EHMT1: variants seen among roughly 807,000 people sequenced by gnomAD.
EHMT1 encodes euchromatic histone lysine methyltransferase 1, also known as histone-lysine N-methyltransferase EHMT1.
EHMT1 carries 15 observed loss-of-function variants against 147.2 expected under a neutral mutation model. The observed-to-expected ratio is 0.10, with a 90% CI of 0.07 to 0.16. The LOEUF is 0.16. Ranked by LOEUF, EHMT1 falls within the 10% of genes least tolerant of loss-of-function variation. The pLI, the probability that EHMT1 is intolerant of heterozygous loss-of-function variation, is 1.00. For missense variants in EHMT1, 1,587 were observed against 1,772.4 expected (o/e 0.90, Z 1.88); for synonymous variants, 795 against 709.6 (o/e 1.12, Z -1.91).
chr9:137,712,846 C>G (rs937119063), intron 2 of EHMT1, among the ~76,000 whole-genome samples: 1 of 152,026 alleles, frequency 6.6e-6, no homozygotes, highest in African/African-American at 2.4e-5. Context: ...TAAGAACTTA[C>G]CATTACTTAA....
chr9:137,825,343 C>T (rs778358398), intron 25 of EHMT1, among the ~76,000 whole-genome samples: 4 of 152,214 alleles, frequency 2.6e-5, no homozygotes, highest in Non-Finnish European at 5.9e-5. Context: ...CACTCCGAGC[C>T]ACGGCCACGC....
intron 1 of EHMT1, among the ~76,000 whole-genome samples, chr9:137,661,953 C>G (rs2134092162): frequency 1.3e-5 from 2 of 152,204 alleles, no homozygotes; most frequent in Middle Eastern, 3.4e-3. Flanking sequence ...CACGCATGCG[C>G]CACCATGCCC....
At chr9:137,790,597 G>A (rs1454979216) in intron 15 of EHMT1, among the ~76,000 whole-genome samples, 3 of 152,148 alleles carry the variant, frequency 2.0e-5, no homozygotes, top group South Asian at 2.1e-4. Context: ...ACACTCCTGA[G>A]CTATAAACAT....
intron 1 of EHMT1, among the ~76,000 whole-genome samples, chr9:137,688,742 G>A (rs993978213): frequency 3.3e-5 from 5 of 152,160 alleles, no homozygotes; most frequent in Admixed American, 1.3e-4. Flanking sequence ...TCATGCACAC[G>A]TTTGTATTTG....
chr9:137,779,672 T>G lies in EHMT1; in HGVS notation c.2230T>G (p.Phe744Val). Residue 744 changes from phenylalanine to valine, a missense_variant, in exon 14 of 27, where the codon TTC (phenylalanine) becomes GTC (valine). Phe to Val is a conservative substitution (Grantham distance 50). Around this residue, in one of 7 missense-constraint regions of EHMT1, gnomAD observed 201 missense variants for 350.1 expected, o/e 0.57. Coordinates refer to ENST00000460843, the MANE Select transcript of EHMT1 (RefSeq NM_024757.5). ...KLRFHPKQLY[F>V]SARQGELQKV... Reference sequence around the variant, plus strand: ...TCGCTTCCACCCAAAGCAGCTGTACTTCTCCGCCAGGCAAGGGGAGCTTCA... The same window carrying G: ...TCGCTTCCACCCAAAGCAGCTGTACGTCTCCGCCAGGCAAGGGGAGCTTCA... 6.2e-7 allele frequency: 1 copy of G among 1,613,920 alleles called. No homozygotes were observed. Among genetic ancestry groups the G allele is most frequent in the Middle Eastern group, 1.6e-4 (1 of 6,062 alleles).
intron 18 of EHMT1, among the ~76,000 whole-genome samples, chr9:137,804,558 T>C (rs1953766069): frequency 1.3e-5 from 2 of 152,190 alleles, no homozygotes; most frequent in South Asian, 4.1e-4. Flanking sequence ...AGTGCAGAAT[T>C]TTAAAAGTTT....
chr9:137,834,287 C>G, intron 25 of EHMT1, 62 bp from the exon 26 acceptor site: 2 of 1,600,552 alleles, frequency 1.2e-6, no homozygotes, highest in Non-Finnish European at 1.7e-6. Context: ...TGGCCGTACC[C>G]GGCGAGGCCG....
At chr9:137,657,403 C>G (rs1274333380) in intron 1 of EHMT1, among the ~76,000 whole-genome samples, 4 of 151,542 alleles carry the variant, frequency 2.6e-5, no homozygotes, top group African/African-American at 9.7e-5. Context: ...AGGTGAGAGG[C>G]TGTCGCGCTC....
At chr9:137,720,195 G>A (rs901604362) in intron 3 of EHMT1, among the ~76,000 whole-genome samples, 8 of 151,362 alleles carry the variant, frequency 5.3e-5, no homozygotes, top group Non-Finnish European at 7.4e-5. Flanking sequence ...GGGCACAGTC[G>A]AGATATGGAA....
intron 18 of EHMT1, among the ~76,000 whole-genome samples, chr9:137,809,524 C>T (rs946814962): frequency 1.3e-5 from 2 of 152,282 alleles, no homozygotes; most frequent in East Asian, 1.9e-4. Flanking sequence ...CCTCAGCCGC[C>T]GCAGCAAAGC....
At chr9:137,707,353 G>A (rs868552437) in intron 1 of EHMT1, among the ~76,000 whole-genome samples, 114 of 152,346 alleles carry the variant, frequency 7.5e-4, no homozygotes, top group African/African-American at 2.6e-3. Flanking sequence ...GAGAGGCCAC[G>A]GTTCTGGAGG....
At chr9:137,783,482 G>A (rs117852987) in intron 15 of EHMT1, among the ~76,000 whole-genome samples, 2,747 of 152,246 alleles carry the variant, frequency 0.018, 39 homozygotes, top group Middle Eastern at 0.051. Flanking sequence ...ATGGTATTAT[G>A]GTTATTTTGA....
rs547013877 is a variant in EHMT1, at chr9:137,698,203, A to G, written c.22-12764A>G. The stretch of plus-strand genomic sequence containing the variant: ...TGGTTTGTTGACAAAACGTGGACGC[A>G]TTTTGTCTTATCCAGCATGTTGTAG... On this transcript the variant is annotated intron_variant, in intron 1 of 26. Coordinates refer to ENST00000460843, the MANE Select transcript of EHMT1 (RefSeq NM_024757.5). Among the ~76,000 whole-genome samples the G allele has an allele frequency of 1.4e-4, 21 of 152,350 alleles. No homozygotes were observed. The East Asian group carries it at 3.3e-3, about 24-fold the overall frequency.
intron 18 of EHMT1, among the ~76,000 whole-genome samples, chr9:137,804,439 C>G (rs1953758943): frequency 6.6e-6 from 1 of 152,072 alleles, no homozygotes; most frequent in Non-Finnish European, 1.5e-5. Flanking sequence ...AATGAAGTGT[C>G]TGTTCAAATA....
In EHMT1 at chr9:137,743,352, CTTTTTT is replaced by C; in HGVS notation, c.824-8_824-3del. 1.3e-6 allele frequency: 2 copies of C among 1,492,454 alleles called. No individual in the cohort carries two copies. The highest frequency in any genetic ancestry group is 8.9e-7 in the Non-Finnish European group (1 of 1,122,000). 92.5% of individuals were successfully genotyped at this position (1,492,454 alleles called of 1,614,324 possible). The stretch of plus-strand genomic sequence containing the variant: ...CTTTTCCTTTCTTGTCCCCTTTTGA[CTTTTTT>C]TTTTTTTTTTAGCTTGCTTGCCTTT... On this transcript the variant is annotated splice_polypyrimidine_tract_variant and intron_variant, in intron 4 of 26. Transcript: ENST00000460843.
rs186945976 is a variant in EHMT1 at position 137,645,268 on chromosome 9, G to A, written c.21+26219G>A. Among the ~76,000 whole-genome samples the A allele has an allele frequency of 4.6e-5, 7 of 152,380 alleles. No homozygotes were observed. In the East Asian group the frequency reaches 1.3e-3, roughly 29 times the overall value. ...GTGTAACCTGATACAAAAGGAGAAA[G>A]GGCCGGAATTGGCTTGCGCCTTTAT... On this transcript the variant is annotated intron_variant, in intron 1 of 26. Coordinates refer to ENST00000460843, the MANE Select transcript of EHMT1 (RefSeq NM_024757.5).
chr9:137,677,994 G>A (rs994184291), intron 1 of EHMT1, among the ~76,000 whole-genome samples: 10 of 151,870 alleles, frequency 6.6e-5, no homozygotes, highest in Non-Finnish European at 1.5e-4. Context: ...GCGTGAACCC[G>A]GGAGGCGGAG....
rs1956511074 is a variant in EHMT1 at position 137,835,161 on chromosome 9, G to T, written c.*208G>T. ...TTCCCAGACCTGCGGCCTCACCGCGGGCCCAGTGCCCAGGCTGGAGCGCAC... is the reference window on the plus strand; with the variant it reads ...TTCCCAGACCTGCGGCCTCACCGCGTGCCCAGTGCCCAGGCTGGAGCGCAC... On this transcript the variant is annotated 3_prime_UTR_variant, in exon 27 of 27. Transcript: ENST00000460843. 2.0e-6 allele frequency: 1 copy of T among 505,250 alleles called. No individual in the cohort carries two copies. Among genetic ancestry groups the T allele is most frequent in the Non-Finnish European group, 3.2e-6 (1 of 313,524 alleles). 31.3% of individuals were successfully genotyped at this position (505,250 alleles called of 1,614,324 possible).
At chr9:137,744,248 ATTATT>A (rs1948358498) in intron 6 of EHMT1, among the ~76,000 whole-genome samples, 158 bp downstream of exon 6, 1 of 151,850 alleles carries the variant, frequency 6.6e-6, no homozygotes. Flanking sequence ...GATTTATTAG[ATTATT>A]TTCATTCAAG....
Sources: gnomAD v4.1 joint callset for allele counts (sites outside exome capture counted in the v4.1 genomes callset) on GRCh38, gnomAD v4.1.1 for gene constraint, gnomAD v4.1.1 regional missense constraint, MANE v1.5 for transcripts, NCBI Gene and HGNC (gene_info 2026-07-23, HGNC 2026-07-21) for gene names.